The following TWF1 variants were observed in gnomAD, a reference collection of about 807,000 sequenced individuals.
The protein encoded by TWF1 is twinfilin-1.
A neutral mutation model predicts 47.9 loss-of-function variants in TWF1; 14 were observed. The ratio of observed to expected loss-of-function variants is 0.29; its 90% CI spans 0.19 to 0.46. The LOEUF (loss-of-function observed/expected upper bound fraction) is 0.46. Ranked by LOEUF, TWF1 falls within the 20% of genes least tolerant of loss-of-function variation. TWF1 has a pLI of 1.00. For synonymous variants in TWF1, 96 were observed against 139.2 expected, an observed-to-expected ratio of 0.69 and a Z score of 2.18; for missense variants, 281 against 409.3, an observed-to-expected ratio of 0.69 and a Z score of 2.70.
chr12:43,806,105 G>C (rs779032546), intron 1 of TWF1, 116 bp downstream of exon 1: 2 of 1,522,544 alleles, frequency 1.3e-6, no homozygotes, highest in South Asian at 1.2e-5. Context: ...CTCGCCCCGC[G>C]AGACCGACTT....
At chr12:43,806,198 C>G in intron 1 of TWF1, 23 bp downstream of exon 1, 1 of 1,539,404 alleles carries the variant, frequency 6.5e-7, no homozygotes, top group Non-Finnish European at 8.7e-7. Context: ...CCCTTCCCTG[C>G]GAGTCGCGCC....
At chr12:43,804,662 A>G (rs945194602) in intron 1 of TWF1, 90 bp from the exon 2 acceptor site, 5 of 859,972 alleles carry the variant, frequency 5.8e-6, no homozygotes, top group Non-Finnish European at 9.0e-6. Flanking sequence ...GAATACAAAG[A>G]AAAAATCTGG....
At chr12:43,798,468 C>A in intron 5 of TWF1, 1 of 1,212,470 alleles carries the variant, frequency 8.2e-7, no homozygotes. Context: ...AACAGAAAGT[C>A]CAATAGAAAT....
At chr12:43,801,041 C>T (rs1007041396) in intron 3 of TWF1, among the ~76,000 whole-genome samples, 8 of 151,986 alleles carry the variant, frequency 5.3e-5, no homozygotes, top group Non-Finnish European at 7.4e-5. Flanking sequence ...CATGAGCCAC[C>T]GTGCCTGGCC....
chr12:43,806,150 C>T (rs941997403), intron 1 of TWF1, 71 bp downstream of exon 1: 6 of 1,532,820 alleles, frequency 3.9e-6, no homozygotes, highest in South Asian at 1.2e-5. Context: ...CCCTGCCGGT[C>T]CTGCAGCCCT....
At position 43,799,467 on chromosome 12, in the gene TWF1, C is replaced by T; in HGVS notation, c.414G>A (p.Leu138=). The part of the protein sequence containing the change: ...DVSLHGYKKY[L]LSQSSPAPLT... ...GTGGGGCAGGGGAAGATTGTGACAG[C>T]AAGTATTTTTTATATCCATGTAATG... is the stretch of plus-strand genomic sequence containing the variant. The change falls in exon 5 of 9, where the codon TTG becomes TTA. Residue 138 remains leucine (L), a synonymous_variant. Transcript: ENST00000395510. 6.2e-7 allele frequency: 1 copy of T among 1,609,458 alleles called. No homozygotes were observed. Among genetic ancestry groups the T allele is most frequent in the Non-Finnish European group, 8.5e-7 (1 of 1,177,332 alleles).
rs756309908 is a variant in TWF1 at position 43,806,297 on chromosome 12, G to A, written c.-52C>T. 14 of 1,437,674 alleles carry A rather than the reference G, an allele frequency of 9.7e-6. No homozygotes were observed. The highest frequency in any genetic ancestry group is 2.4e-4 in the Middle Eastern group (1 of 4,226). The allele number at this position is 1,437,674 out of a possible 1,614,324, so 89.1% of individuals were successfully genotyped here. A position where few individuals can be genotyped will look rare whatever the true frequency, so the allele number is the denominator to read the frequency against. On this transcript the variant is annotated 5_prime_UTR_variant, in exon 1 of 9. Coordinates refer to ENST00000395510, the MANE Select transcript of TWF1 (RefSeq NM_002822.5). ...GGCGCTGAGTGCAGCCAGCGGCCCC[G>A]GCCGGCGGCCCCAGGAAGTGGCTGC...
At chr12:43,804,184 T>C in intron 2 of TWF1, 3 of 442,730 alleles carry the variant, frequency 6.8e-6, no homozygotes, top group South Asian at 5.1e-5. Flanking sequence ...ACCTGTTTAG[T>C]GATTTCCATT....
At chr12:43,805,297 G>A (rs775208579) in intron 1 of TWF1, among the ~76,000 whole-genome samples, 2 of 152,208 alleles carry the variant, frequency 1.3e-5, no homozygotes, top group African/African-American at 2.4e-5. Flanking sequence ...AATTAATGCG[G>A]ATAAATAAAA....
chr12:43,802,211 C>T lies in TWF1; in HGVS notation c.282+75G>A, dbSNP rs1283705171. The T allele has an allele frequency of 1.2e-5, 12 of 1,002,848 alleles. No homozygotes were observed. In the Admixed American group the frequency reaches 1.8e-4, roughly 15 times the overall value. The allele number at this position is 1,002,848 out of a possible 1,614,324, so 62.1% of individuals were successfully genotyped here. A position where few individuals can be genotyped will look rare whatever the true frequency, so the allele number is the denominator to read the frequency against. ...TGGGAAATAATTATTGTTTTTTAAC[C>T]TTTATTTGACCTAGAAATTTCAAAA... On this transcript the variant is annotated intron_variant, in intron 3 of 8. Transcript: ENST00000395510.
At chr12:43,799,250 A>G (rs1019052871) in intron 5 of TWF1, 148 bp downstream of exon 5, 5 of 452,448 alleles carry the variant, frequency 1.1e-5, no homozygotes, top group African/African-American at 1.0e-4. Context: ...AAAGGCATTA[A>G]GCACATAGCC....
At chr12:43,803,731 C>A (rs908903780) in intron 2 of TWF1, among the ~76,000 whole-genome samples, 1 of 151,966 alleles carries the variant, frequency 6.6e-6, no homozygotes, top group Admixed American at 6.6e-5. Context: ...TAAACAAATG[C>A]ATATTTTACA....
intron 7 of TWF1, 86 bp downstream of exon 7, chr12:43,797,216 T>G: frequency 6.7e-7 from 1 of 1,483,212 alleles, no homozygotes; most frequent in Non-Finnish European, 9.1e-7. Flanking sequence ...AGCTAAGCCC[T>G]CTGGGCAAGA....
At chr12:43,805,770 G>C (rs1194224141) in intron 1 of TWF1, 8 of 1,345,348 alleles carry the variant, frequency 5.9e-6, no homozygotes, top group Non-Finnish European at 6.9e-6. Flanking sequence ...TTCTGGCATG[G>C]TTCTTTTTGT....
intron 8 of TWF1, among the ~76,000 whole-genome samples, chr12:43,796,017 C>T (rs1345680433): frequency 6.6e-6 from 1 of 152,166 alleles, no homozygotes; most frequent in Non-Finnish European, 1.5e-5. Context: ...GCCACCACTA[C>T]ATTCTCAAGT....
intron 3 of TWF1, among the ~76,000 whole-genome samples, chr12:43,801,596 G>T (rs1942662529): frequency 6.6e-6 from 1 of 152,068 alleles, no homozygotes; most frequent in South Asian, 2.1e-4. Flanking sequence ...TCACTTGAAT[G>T]GTAGCGATTA....
Position 43,794,055 on chromosome 12 carries a change from T to C in TWF1, c.*1530A>G, listed in dbSNP as rs1308478462. 6.6e-6 allele frequency: 1 copy of C among 152,638 alleles called. No individual in the cohort carries two copies. The highest frequency in any genetic ancestry group is 2.4e-5 in the African/African-American group (1 of 41,452). The allele number at this position is 152,638 out of a possible 1,614,324, so 9.5% of individuals were successfully genotyped here. Reference sequence around the variant, plus strand: ...AGAAAAACATTCACTTCTAAATTATTTTATACCTTCATGACAGGTAGTCTT... The same window carrying C: ...AGAAAAACATTCACTTCTAAATTATCTTATACCTTCATGACAGGTAGTCTT... On this transcript the variant is annotated 3_prime_UTR_variant, in exon 9 of 9. Coordinates refer to ENST00000395510, the MANE Select transcript of TWF1 (RefSeq NM_002822.5).
chr12:43,800,374 T>C, intron 4 of TWF1, 61 bp downstream of exon 4: 1 of 1,249,802 alleles, frequency 8.0e-7, no homozygotes, highest in South Asian at 1.3e-5. Context: ...ACCCATTACC[T>C]AGGAGTTCCT....
chr12:43,799,437 A>G lies in TWF1; in HGVS notation c.444T>C (p.Thr148=), dbSNP rs1245039570. Residue 148 remains threonine, a synonymous_variant, in exon 5 of 9, where the codon ACT becomes ACC. Transcript: ENST00000395510. ...LLSQSSPAPL[T]AAEEELRQIK... ...TCTGTCGTAGTTCTTCCTCAGCTGC[A>G]GTCAGTGGGGCAGGGGAAGATTGTG... The G allele has an allele frequency of 6.2e-7, 1 of 1,610,324 alleles. No individual in the cohort carries two copies. Among genetic ancestry groups the G allele is most frequent in the African/African-American group, 1.3e-5 (1 of 74,800 alleles).
Sources: gnomAD v4.1 joint callset for allele counts (sites outside exome capture counted in the v4.1 genomes callset) on GRCh38, gnomAD v4.1.1 for gene constraint, MANE v1.5 for transcripts, NCBI Gene and HGNC (gene_info 2026-07-23, HGNC 2026-07-21) for gene names.